DAD1: variants seen among roughly 807,000 people sequenced by gnomAD.
DAD1 encodes dolichyl-diphosphooligosaccharide--protein glycosyltransferase subunit DAD1.
DAD1 carries 4 observed loss-of-function variants against 9.0 expected under a neutral mutation model. That is an observed-to-expected ratio of 0.44 (90% CI 0.22 to 1.01). The LOEUF is 1.01. Ranked by LOEUF, DAD1 falls within the 50% of genes least tolerant of loss-of-function variation. The pLI is 0.24. For missense variants in DAD1, 119 were observed against 137.3 expected (o/e 0.87, Z 0.67); for synonymous variants, 60 against 62.5 (o/e 0.96, Z 0.19).
At chr14:22,575,773 T>G (rs1266483842) in intron 1 of DAD1, among the ~76,000 whole-genome samples, 2 of 152,102 alleles carry the variant, frequency 1.3e-5, no homozygotes. Flanking sequence ...GGTCTCGAAC[T>G]CCTGACCTTG....
At chr14:22,576,667 G>A (rs2037079699) in intron 1 of DAD1, among the ~76,000 whole-genome samples, 1 of 152,108 alleles carries the variant, frequency 6.6e-6, no homozygotes, top group Non-Finnish European at 1.5e-5. Flanking sequence ...ACAATAAAGG[G>A]CACAACAGTG....
intron 2 of DAD1, among the ~76,000 whole-genome samples, chr14:22,571,249 G>A (rs980008551): frequency 4.7e-5 from 7 of 148,632 alleles, no homozygotes; most frequent in Non-Finnish European, 8.9e-5. Context: ...CGGGAGGCAG[G>A]GTTGCAGTGA....
intron 1 of DAD1, among the ~76,000 whole-genome samples, chr14:22,587,168 C>G (rs1017677512): frequency 9.9e-5 from 15 of 152,226 alleles, no homozygotes; most frequent in Admixed American, 8.5e-4. Context: ...CACTGATAAT[C>G]TATAACTCTA....
intron 2 of DAD1, among the ~76,000 whole-genome samples, chr14:22,567,590 C>T (rs1206294323): frequency 6.6e-6 from 1 of 152,200 alleles, no homozygotes; most frequent in Non-Finnish European, 1.5e-5. Flanking sequence ...CTGTCCAACA[C>T]CACAGCCACT....
Position 22,589,172 on chromosome 14 carries a change from T to A in DAD1, c.-15A>T. 6.2e-7 allele frequency: 1 copy of A among 1,613,832 alleles called. No individual in the cohort carries two copies. ...GACGCCGACATAACTGCACGCAAGGTACTCCGGTCCGCGCCCCAAACTCTT... is the reference window on the plus strand; with the variant it reads ...GACGCCGACATAACTGCACGCAAGGAACTCCGGTCCGCGCCCCAAACTCTT... On this transcript the variant is annotated 5_prime_UTR_variant, in exon 1 of 3. Coordinates refer to ENST00000250498, the MANE Select transcript of DAD1 (RefSeq NM_001344.4).
chr14:22,573,094 C>G (rs1438037232), intron 2 of DAD1, among the ~76,000 whole-genome samples: 2 of 152,130 alleles, frequency 1.3e-5, no homozygotes, highest in Non-Finnish European at 2.9e-5. Flanking sequence ...TAGCGAGGCC[C>G]TAAATGGGCT....
intron 2 of DAD1, among the ~76,000 whole-genome samples, chr14:22,568,396 T>A (rs145195415): frequency 6.6e-6 from 1 of 152,348 alleles, no homozygotes; most frequent in East Asian, 1.9e-4. Context: ...TTATAATCAT[T>A]TAACTTTCTG....
intron 1 of DAD1, among the ~76,000 whole-genome samples, chr14:22,586,328 C>G (rs2037152915): frequency 6.6e-6 from 1 of 151,954 alleles, no homozygotes; most frequent in Non-Finnish European, 1.5e-5. Context: ...GGCGGATCAC[C>G]TGAGGTCAGG....
At chr14:22,586,150 G>C (rs1237150556) in intron 1 of DAD1, among the ~76,000 whole-genome samples, 1 of 150,930 alleles carries the variant, frequency 6.6e-6, no homozygotes. Flanking sequence ...AGCTTGCAGT[G>C]AGCCGAGATG....
At chr14:22,581,421 G>A (rs1157966267) in intron 1 of DAD1, among the ~76,000 whole-genome samples, 1 of 152,116 alleles carries the variant, frequency 6.6e-6, no homozygotes, top group African/African-American at 2.4e-5. Flanking sequence ...ATTCTAGACA[G>A]TAAGAACAAT....
chr14:22,576,977 A>G (rs2037081644), intron 1 of DAD1, among the ~76,000 whole-genome samples: 2 of 152,222 alleles, frequency 1.3e-5, no homozygotes, highest in Non-Finnish European at 2.9e-5. Context: ...AGTTGGCAAG[A>G]ATGCAGAGAA....
At chr14:22,565,658 A>G (rs1382347496) in intron 2 of DAD1, among the ~76,000 whole-genome samples, 3 of 152,248 alleles carry the variant, frequency 2.0e-5, no homozygotes, top group Admixed American at 1.3e-4. Flanking sequence ...TCATTTAAAG[A>G]TAAGTTTATT....
intron 1 of DAD1, 93 bp from the exon 2 acceptor site, chr14:22,575,326 C>A: frequency 7.1e-7 from 1 of 1,405,070 alleles, no homozygotes; most frequent in Non-Finnish European, 9.6e-7. Flanking sequence ...CCCAACAATT[C>A]TACTCTAACA....
At chr14:22,568,928 G>A (rs2037019444) in intron 2 of DAD1, among the ~76,000 whole-genome samples, 2 of 151,936 alleles carry the variant, frequency 1.3e-5, no homozygotes, top group Admixed American at 6.6e-5. Context: ...CAAACTCCTG[G>A]GCTCAAGCGA....
chr14:22,589,176 C>G lies in DAD1; in HGVS notation c.-19G>C, dbSNP rs566424664. The stretch of plus-strand genomic sequence containing the variant: ...CCGACATAACTGCACGCAAGGTACT[C>G]CGGTCCGCGCCCCAAACTCTTGGAG... On this transcript the variant is annotated 5_prime_UTR_variant, in exon 1 of 3. Coordinates refer to ENST00000250498, the MANE Select transcript of DAD1 (RefSeq NM_001344.4). 6 of 1,613,506 alleles carry G rather than the reference C, an allele frequency of 3.7e-6. No individual in the cohort carries two copies. Among genetic ancestry groups the G allele is most frequent in the African/African-American group, 1.3e-5 (1 of 75,050 alleles).
At chr14:22,585,460 A>T (rs578062413) in intron 1 of DAD1, among the ~76,000 whole-genome samples, 2 of 152,348 alleles carry the variant, frequency 1.3e-5, no homozygotes, top group South Asian at 4.1e-4. Flanking sequence ...TCTTCTAGAG[A>T]TATCTAACTA....
intron 1 of DAD1, among the ~76,000 whole-genome samples, chr14:22,577,634 A>G (rs1252493091): frequency 6.6e-6 from 1 of 152,246 alleles, no homozygotes; most frequent in Non-Finnish European, 1.5e-5. Flanking sequence ...CTGCTACAAC[A>G]CGGCTGAATC....
rs566967061 is a variant in DAD1 at position 22,571,930 on chromosome 14, A to C, written c.*44+3129T>G. Among the ~76,000 whole-genome samples the C allele has an allele frequency of 2.0e-5, 3 of 152,294 alleles. 1 individual carries two copies. The highest frequency in any genetic ancestry group is 7.2e-5 in the African/African-American group (3 of 41,558). On this transcript the variant is annotated intron_variant, in intron 2 of 2. Coordinates refer to ENST00000250498, the MANE Select transcript of DAD1 (RefSeq NM_001344.4). ...CAGGCATCAGCCACCGTGCTCAGCC[A>C]TCCTAGCCAGGCTCTCTCAACTTCA...
intron 2 of DAD1, among the ~76,000 whole-genome samples, chr14:22,571,648 T>TTTA: frequency 7.1e-6 from 1 of 140,132 alleles, no homozygotes; most frequent in African/African-American, 3.0e-5. Context: ...TTTTTTTTTT[T>TTTA]AGAAAACAGA....
Sources: allele counts gnomAD v4.1 joint callset (sites outside exome capture counted in the v4.1 genomes callset), GRCh38; gene constraint gnomAD v4.1.1; transcripts MANE v1.5; gene names NCBI Gene and HGNC (gene_info 2026-07-23, HGNC 2026-07-21).